The following GAS2 variants were observed in gnomAD, a reference collection of about 807,000 sequenced individuals.
The protein encoded by GAS2 is growth arrest specific 2.
Under a neutral mutation model 37.5 loss-of-function variants are expected in GAS2, and 20 were observed. That is an observed-to-expected ratio of 0.53 (90% CI 0.37 to 0.77). The LOEUF (loss-of-function observed/expected upper bound fraction) is 0.77. Among genes scored for constraint, GAS2 ranks in the 30% least tolerant of loss-of-function variants. The pLI is 0.00. For missense variants in GAS2, 336 were observed against 373.4 expected (o/e 0.90, Z 0.82); for synonymous variants, 144 against 132.2 (o/e 1.09, Z -0.61).
upstream of GAS2, among the ~76,000 whole-genome samples, chr11:22,661,684 T>C (rs1220791069): frequency 2.6e-5 from 4 of 152,184 alleles, no homozygotes; most frequent in Non-Finnish European, 5.9e-5. Flanking sequence ...AGGAAAGGCA[T>C]GGAGGTGTAA....
intron 7 of GAS2, among the ~76,000 whole-genome samples, chr11:22,796,528 G>A (rs1590141237): frequency 6.6e-6 from 1 of 152,024 alleles, no homozygotes; most frequent in African/African-American, 2.4e-5. Flanking sequence ...TAAAAGGAAG[G>A]AGGCCCATAT....
chr11:22,741,850 T>C (rs1490659723), intron 5 of GAS2, among the ~76,000 whole-genome samples: 2 of 152,146 alleles, frequency 1.3e-5, no homozygotes, highest in African/African-American at 2.4e-5. Context: ...ATAAACTGTC[T>C]GTTATATGCC....
intron 3 of GAS2, among the ~76,000 whole-genome samples, chr11:22,688,895 C>T (rs1426814002): frequency 6.6e-6 from 1 of 152,120 alleles, no homozygotes; most frequent in East Asian, 1.9e-4. Context: ...AACCTAGATA[C>T]TCATCAACGG....
intron 1 of GAS2, among the ~76,000 whole-genome samples, chr11:22,630,049 C>G (rs1422618159): frequency 6.6e-6 from 1 of 151,900 alleles, no homozygotes; most frequent in African/African-American, 2.4e-5. Flanking sequence ...TTTCCTCACA[C>G]CATTTTTTTT....
At chr11:22,680,552 T>G (rs1266128479) in intron 2 of GAS2, among the ~76,000 whole-genome samples, 2 of 152,180 alleles carry the variant, frequency 1.3e-5, no homozygotes, top group African/African-American at 4.8e-5. Context: ...TTTGATAGTA[T>G]CTGGATCATC....
In GAS2 at chr11:22,681,279, T is replaced by C. The variant is rs185555523; in HGVS notation, c.146-4389T>C. 5.3e-4 allele frequency among the ~76,000 whole-genome samples: 80 copies of C among 149,800 alleles called. 1 individual carries two copies. The highest frequency in any genetic ancestry group is 2.0e-3 in the African/African-American group (78 of 39,982). On this transcript the variant is annotated intron_variant, in intron 2 of 7. Transcript: ENST00000454584. The stretch of plus-strand genomic sequence containing the variant: ...TGTGTATGTGTATGCATGTTGATTA[T>C]AGTTGCCTGGCAAAAGATTTCAGGC...
chr11:22,673,158 C>T (rs1048921690), intron 1 of GAS2, among the ~76,000 whole-genome samples: 1 of 151,942 alleles, frequency 6.6e-6, no homozygotes, highest in Non-Finnish European at 1.5e-5. Flanking sequence ...ACTCATACTC[C>T]CAACAGTCTT....
At chr11:22,749,742 C>T (rs576696720) in intron 6 of GAS2, among the ~76,000 whole-genome samples, 1 of 152,106 alleles carries the variant, frequency 6.6e-6, no homozygotes, top group South Asian at 2.1e-4. Context: ...ATTGAGTAAC[C>T]TGCTGAGGGG....
At chr11:22,694,763 T>A (rs1850414436) in intron 3 of GAS2, among the ~76,000 whole-genome samples, 1 of 152,210 alleles carries the variant, frequency 6.6e-6, no homozygotes, top group South Asian at 2.1e-4. Context: ...ACAAGTAAAT[T>A]AATTTTGCTG....
intron 2 of GAS2, among the ~76,000 whole-genome samples, chr11:22,681,567 T>A (rs4102899): frequency 0.56 from 84,459 of 152,016 alleles, 26,026 homozygotes; most frequent in East Asian, 0.76. Context: ...TATTCATTTA[T>A]TGTTCTTTCT....
At chr11:22,643,762 A>G (rs901647050) in intron 1 of GAS2, among the ~76,000 whole-genome samples, 3 of 152,004 alleles carry the variant, frequency 2.0e-5, no homozygotes, top group Non-Finnish European at 4.4e-5. Flanking sequence ...TATTTCATAT[A>G]GAAGAGTTCT....
In GAS2 at chr11:22,769,270, C is replaced by A. The variant is rs557531553; in HGVS notation, c.723+13317C>A. Among the ~76,000 whole-genome samples, 3 of 152,304 alleles carry A rather than the reference C, an allele frequency of 2.0e-5. No individual in the cohort carries two copies. In the South Asian group the frequency reaches 6.2e-4, roughly 32 times the overall value. ...TATTCCTCTAACAACCTATAGCCAA[C>A]ATGACAGGCAGGTAGGGGCATGCAT... On this transcript the variant is annotated intron_variant, in intron 7 of 7. Coordinates refer to ENST00000454584, the MANE Select transcript of GAS2 (RefSeq NM_001143830.3).
At chr11:22,637,836 G>T (rs1438970924) in intron 1 of GAS2, among the ~76,000 whole-genome samples, 2 of 148,028 alleles carry the variant, frequency 1.4e-5, no homozygotes. Context: ...TATATTTGAA[G>T]CCCAAAGCTG....
At chr11:22,689,684 A>G (rs1483971001) in intron 3 of GAS2, among the ~76,000 whole-genome samples, 1 of 152,236 alleles carries the variant, frequency 6.6e-6, no homozygotes, top group Non-Finnish European at 1.5e-5. Flanking sequence ...AAATCTAAAT[A>G]CAAATTTAAA....
chr11:22,760,144 T>A lies in GAS2; in HGVS notation c.723+4191T>A, dbSNP rs1363743126. Among the ~76,000 whole-genome samples the A allele has an allele frequency of 2.6e-5, 4 of 152,018 alleles. No homozygotes were observed. The South Asian group carries it at 8.3e-4, about 32-fold the overall frequency. ...ACTAATTTTTAATTTTTAATTTTTT[T>A]TTTTTTTTGTATTTTAAGTAGAGAC... On this transcript the variant is annotated intron_variant, in intron 7 of 7. Coordinates refer to ENST00000454584, the MANE Select transcript of GAS2 (RefSeq NM_001143830.3).
At chr11:22,695,866 A>T (rs1850480524) in intron 3 of GAS2, among the ~76,000 whole-genome samples, 2 of 152,186 alleles carry the variant, frequency 1.3e-5, no homozygotes, top group Non-Finnish European at 2.9e-5. Context: ...TTGTGTCCTG[A>T]TTAATCATGC....
At chr11:22,706,604 G>A (rs1460135313) in intron 3 of GAS2, among the ~76,000 whole-genome samples, 48 of 151,898 alleles carry the variant, frequency 3.2e-4, no homozygotes, top group Admixed American at 2.6e-3. Flanking sequence ...TTGTCCTTGC[G>A]ATAGTTTACT....
chr11:22,629,099 C>G (rs577543588), intron 1 of GAS2, among the ~76,000 whole-genome samples: 2 of 152,112 alleles, frequency 1.3e-5, no homozygotes, highest in South Asian at 4.1e-4. Flanking sequence ...GGTTCCGTAT[C>G]TTTGCAATTG....
At chr11:22,662,312 T>C (rs1020135276), upstream of GAS2, among the ~76,000 whole-genome samples, 1 of 152,230 alleles carries the variant, frequency 6.6e-6, no homozygotes, top group Admixed American at 6.5e-5. Flanking sequence ...GGAGTGAAAC[T>C]ATCATTTGTA....
Sources: gnomAD v4.1 joint callset for allele counts (sites outside exome capture counted in the v4.1 genomes callset) on GRCh38, gnomAD v4.1.1 for gene constraint, MANE v1.5 for transcripts, NCBI Gene and HGNC (gene_info 2026-07-23, HGNC 2026-07-21) for gene names.